LARS1: variants seen among roughly 807,000 people sequenced by gnomAD.
LARS1 encodes leucyl-tRNA synthetase 1.
LARS1 carries 100 observed loss-of-function variants against 162.8 expected under a neutral mutation model. The observed-to-expected ratio is 0.61, with a 90% CI of 0.52 to 0.73. The LOEUF is 0.73. Ranked by LOEUF, LARS1 falls within the 30% of genes least tolerant of loss-of-function variation. LARS1 has a pLI of 0.00. For synonymous variants in LARS1, 457 were observed against 462.8 expected, an observed-to-expected ratio of 0.99 and a Z score of 0.16; for missense variants, 1,258 against 1,408.9, an observed-to-expected ratio of 0.89 and a Z score of 1.71.
At chr5:146,114,361 A>C in intron 31 of LARS1, 50 bp from the exon 32 acceptor site, 1 of 1,443,590 alleles carries the variant, frequency 6.9e-7, no homozygotes, top group Non-Finnish European at 9.6e-7. Context: ...AGTCACTCAA[A>C]CCCTGGAGCA....
intron 15 of LARS1, among the ~76,000 whole-genome samples, chr5:146,147,297 G>C (rs998162074): frequency 3.3e-5 from 5 of 151,946 alleles, no homozygotes; most frequent in Non-Finnish European, 5.9e-5. Flanking sequence ...GCCAGGCATG[G>C]AGGCACATGC....
intron 12 of LARS1, 140 bp from the exon 13 acceptor site, chr5:146,153,367 C>T (rs1753378456): frequency 3.1e-6 from 2 of 645,154 alleles, no homozygotes; most frequent in South Asian, 3.9e-5. Flanking sequence ...AATTTTCTAA[C>T]TTTGCCAAAT....
intron 31 of LARS1, among the ~76,000 whole-genome samples, chr5:146,117,943 A>G (rs1332582964): frequency 3.3e-5 from 5 of 152,254 alleles, no homozygotes; most frequent in Non-Finnish European, 5.9e-5. Flanking sequence ...TATAAAAAAC[A>G]GTATCGAGGT....
At chr5:146,142,495 C>T (rs1475231591) in intron 20 of LARS1, among the ~76,000 whole-genome samples, 1 of 152,190 alleles carries the variant, frequency 6.6e-6, no homozygotes, top group African/African-American at 2.4e-5. Flanking sequence ...AAGGATTACT[C>T]TGAAGAAACA....
At chr5:146,144,732 A>G in intron 15 of LARS1, 23 bp from the exon 16 acceptor site, 2 of 1,566,574 alleles carry the variant, frequency 1.3e-6, no homozygotes, top group East Asian at 2.2e-5. Flanking sequence ...AAATAAACAT[A>G]CATTAGATAC....
In LARS1 at chr5:146,126,115, T is replaced by C. The variant is rs189490244; in HGVS notation, c.2991+320A>G. ...AAATGTTGAATCCTGGTTCCAGGAATAGGGTCTAGGAAATGCAAGCCTCTA... is the reference window on the plus strand; with the variant it reads ...AAATGTTGAATCCTGGTTCCAGGAACAGGGTCTAGGAAATGCAAGCCTCTA... On this transcript the variant is annotated intron_variant, in intron 28 of 31. Transcript: ENST00000394434. Among the ~76,000 whole-genome samples, 713 of 152,158 alleles carry C rather than the reference T, an allele frequency of 4.7e-3. 7 individuals carry two copies. Among genetic ancestry groups the C allele is most frequent in the African/African-American group, 0.016 (683 of 41,540 alleles).
intron 20 of LARS1, 51 bp from the exon 21 acceptor site, chr5:146,140,312 T>C (rs1219387314): frequency 1.4e-6 from 2 of 1,481,306 alleles, no homozygotes; most frequent in Non-Finnish European, 1.9e-6. Context: ...AAGATGATAG[T>C]TCTGGCTTAA....
rs564029993 is a variant in LARS1, at chr5:146,158,221, C to T, written c.772-426G>A. Among the ~76,000 whole-genome samples the T allele has an allele frequency of 5.9e-5, 9 of 152,268 alleles. No individual in the cohort carries two copies. In the East Asian group the frequency reaches 1.7e-3, roughly 29 times the overall value. On this transcript the variant is annotated intron_variant, in intron 8 of 31. Transcript: ENST00000394434. ...TATTGGTAAAATAAGGATGTTGCGT[C>T]TCAGATAGGACTGTCCTGAGGAACA...
intron 3 of LARS1, 134 bp from the exon 4 acceptor site, chr5:146,172,124 C>CGGGGAGGAGCCAAGATGGCCGAATAGG: frequency 1.4e-6 from 1 of 718,702 alleles, no homozygotes; most frequent in East Asian, 2.7e-5. Flanking sequence ...TTAGGCATCC[C>CGGGGAGGAGCCAAGATGGCCGAATAGG]AAAACTCACC....
intron 2 of LARS1, among the ~76,000 whole-genome samples, chr5:146,174,255 G>C (rs1165981661): frequency 6.7e-6 from 1 of 148,424 alleles, no homozygotes; most frequent in Non-Finnish European, 1.5e-5. Flanking sequence ...TTCAAGACTA[G>C]CCTAACGTGG....
chr5:146,130,228 G>A (rs1752222005), intron 24 of LARS1, 70 bp from the exon 25 acceptor site: 6 of 1,460,796 alleles, frequency 4.1e-6, no homozygotes, highest in Non-Finnish European at 5.7e-6. Context: ...AAAAATTGCA[G>A]TATCTTGGTT....
chr5:146,129,243 G>C, intron 25 of LARS1, 125 bp from the exon 26 acceptor site: 1 of 756,394 alleles, frequency 1.3e-6, no homozygotes, highest in East Asian at 2.8e-5. Flanking sequence ...GTTCAAACTT[G>C]ACTACACATA....
intron 12 of LARS1, among the ~76,000 whole-genome samples, 165 bp from the exon 13 acceptor site, chr5:146,153,392 C>A (rs1325208539): frequency 6.6e-6 from 1 of 152,200 alleles, no homozygotes; most frequent in Admixed American, 6.5e-5. Flanking sequence ...CAAAAGGGAT[C>A]TGTAACCTTC....
At chr5:146,119,747 CT>C (rs1446000141) in intron 31 of LARS1, among the ~76,000 whole-genome samples, 2 of 152,158 alleles carry the variant, frequency 1.3e-5, no homozygotes, top group South Asian at 2.1e-4. Context: ...CATATTTTAC[CT>C]GGAGGCACAT....
In LARS1 at chr5:146,171,976, G is replaced by A. The variant is rs1754303284; in HGVS notation, c.228C>T (p.Tyr76=). ...GACAACATTTTCCTTTCAATCGCTGGTACCCTACAGCAAACTACAGAAATA... is the reference window on the plus strand; with the variant it reads ...GACAACATTTTCCTTTCAATCGCTGATACCCTACAGCAAACTACAGAAATA... ...SLSKCEFAVG[Y]QRLKGKCCLF... Residue 76 remains tyrosine, a synonymous_variant, in exon 4 of 32, where the codon TAC becomes TAT. Transcript: ENST00000394434. The A allele has an allele frequency of 1.2e-6, 2 of 1,613,038 alleles. No individual in the cohort carries two copies. The highest frequency in any genetic ancestry group is 1.7e-6 in the Non-Finnish European group (2 of 1,179,138).
In LARS1 at chr5:146,142,901, A is replaced by G; in HGVS notation, c.2061T>C (p.Tyr687=). The change falls in exon 20 of 32, where the codon TAT becomes TAC. Residue 687 remains tyrosine, a synonymous_variant. Transcript: ENST00000394434. Reference sequence around the variant, plus strand: ...GTTCCGGCCACATAGCCACATGATTATAAAGGTAATATGAAAGATGATTTG... The same window carrying G: ...GTTCCGGCCACATAGCCACATGATTGTAAAGGTAATATGAAAGATGATTTG... The part of the protein sequence containing the change: ...LVPNHLSYYL[Y]NHVAMWPEQS... 2 of 1,613,986 alleles carry G rather than the reference A, an allele frequency of 1.2e-6. No individual in the cohort carries two copies. The highest frequency in any genetic ancestry group is 1.7e-6 in the Non-Finnish European group (2 of 1,179,910).
Position 146,129,119 on chromosome 5 carries a change from C to G in LARS1, c.2629-1G>C. On this transcript the variant is annotated splice_acceptor_variant, in intron 25 of 31. Coordinates refer to ENST00000394434, the MANE Select transcript of LARS1 (RefSeq NM_020117.11). LOFTEE classifies it high-confidence loss of function. ...ATGAAGCATTCATAATTGAGTCAGG[C>G]TTTTAAAAAAAGAAAAACAAAAAAA... 2 of 1,565,918 alleles carry G rather than the reference C, an allele frequency of 1.3e-6. No individual in the cohort carries two copies. Among genetic ancestry groups the G allele is most frequent in the Non-Finnish European group, 1.7e-6 (2 of 1,161,642 alleles).
chr5:146,136,826 G>A (rs2963918), intron 21 of LARS1, among the ~76,000 whole-genome samples: 91,279 of 152,074 alleles, frequency 0.6, 28,038 homozygotes, highest in Middle Eastern at 0.79. Context: ...TCAATATTAG[G>A]GCACAGGCTA....
intron 26 of LARS1, 57 bp downstream of exon 26, chr5:146,128,921 T>A (rs972620652): frequency 1.3e-6 from 2 of 1,489,340 alleles, no homozygotes; most frequent in African/African-American, 2.8e-5. Context: ...TTAAATGTTA[T>A]CTGATCAATA....
Sources: gnomAD v4.1 joint callset for allele counts (sites outside exome capture counted in the v4.1 genomes callset) on GRCh38, gnomAD v4.1.1 for gene constraint, MANE v1.5 for transcripts, NCBI Gene and HGNC (gene_info 2026-07-23, HGNC 2026-07-21) for gene names.